PDE4D: variants seen among roughly 807,000 people sequenced by gnomAD.
The protein encoded by PDE4D is 3',5'-cyclic-AMP phosphodiesterase 4D.
A neutral mutation model predicts 87.4 loss-of-function variants in PDE4D; 24 were observed. The ratio of observed to expected loss-of-function variants is 0.27; its 90% CI spans 0.20 to 0.39. The LOEUF is 0.39. Ranked by LOEUF, PDE4D falls within the 10% of genes least tolerant of loss-of-function variation. The pLI is 1.00. For synonymous variants in PDE4D, 384 were observed against 383.2 expected, an observed-to-expected ratio of 1.00 and a Z score of -0.02; for missense variants, 714 against 1,041.0, an observed-to-expected ratio of 0.69 and a Z score of 4.32.
chr5:59,098,328 T>C (rs1013091755), intron 5 of PDE4D, among the ~76,000 whole-genome samples: 1 of 152,142 alleles, frequency 6.6e-6, no homozygotes, highest in African/African-American at 2.4e-5. Flanking sequence ...AATCTGATGC[T>C]AATATGTTAG....
chr5:60,460,622 C>G, intron 1 of PDE4D: 1 of 1,229,494 alleles, frequency 8.1e-7, no homozygotes, highest in Non-Finnish European at 1.2e-6. Context: ...TCTTGCTGTT[C>G]TTTTTCTCCC....
At chr5:59,367,625 TGA>T (rs776952847) in intron 1 of PDE4D, among the ~76,000 whole-genome samples, 13 of 152,178 alleles carry the variant, frequency 8.5e-5, no homozygotes, top group Non-Finnish European at 1.6e-4. Context: ...TGTAAAGTAG[TGA>T]GAGAGAAGTC....
intron 1 of PDE4D, among the ~76,000 whole-genome samples, chr5:59,603,331 G>T (rs1017561644): frequency 6.6e-6 from 1 of 151,842 alleles, no homozygotes; most frequent in African/African-American, 2.4e-5. Context: ...TTGAAAAATG[G>T]GCAAAGGAAC....
At chr5:59,317,991 CT>C (rs1774059134) in intron 1 of PDE4D, among the ~76,000 whole-genome samples, 1 of 152,116 alleles carries the variant, frequency 6.6e-6, no homozygotes, top group African/African-American at 2.4e-5. Context: ...ACCTTATGAA[CT>C]TTTGTTTGTC....
intron 2 of PDE4D, among the ~76,000 whole-genome samples, chr5:60,083,940 CT>C (rs1265105776): frequency 1.3e-5 from 2 of 152,138 alleles, no homozygotes; most frequent in African/African-American, 4.8e-5. Context: ...AGCTTTTAAC[CT>C]TTTGGCTTAT....
chr5:59,306,072 T>A (rs1231376428), intron 1 of PDE4D, among the ~76,000 whole-genome samples: 1 of 152,136 alleles, frequency 6.6e-6, no homozygotes. Flanking sequence ...GGGGGCTCCA[T>A]TGTTAAGTGA....
intron 1 of PDE4D, among the ~76,000 whole-genome samples, chr5:59,712,259 C>G (rs1011383909): frequency 1.3e-5 from 2 of 151,554 alleles, no homozygotes; most frequent in Admixed American, 6.6e-5. Context: ...TTTCCATAGT[C>G]TCATAATATT....
At chr5:59,206,906 T>G (rs575725443) in intron 2 of PDE4D, among the ~76,000 whole-genome samples, 1 of 152,168 alleles carries the variant, frequency 6.6e-6, no homozygotes, top group Non-Finnish European at 1.5e-5. Flanking sequence ...GTTCAGGCTG[T>G]GCATAGTGGC....
intron 5 of PDE4D, among the ~76,000 whole-genome samples, chr5:59,051,158 G>A (rs991199962): frequency 2.0e-4 from 31 of 152,224 alleles, no homozygotes; most frequent in Admixed American, 1.9e-3. Context: ...GATCACTTGA[G>A]GCCAGGAGTT....
At chr5:60,259,983 A>G (rs531568867) in intron 1 of PDE4D, among the ~76,000 whole-genome samples, 1 of 152,188 alleles carries the variant, frequency 6.6e-6, no homozygotes, top group East Asian at 1.9e-4. Context: ...CTATAGTTGT[A>G]TACTTTCAGG....
At chr5:60,067,425 CTA>C (rs1772223265) in intron 2 of PDE4D, among the ~76,000 whole-genome samples, 1 of 151,970 alleles carries the variant, frequency 6.6e-6, no homozygotes, top group Non-Finnish European at 1.5e-5. Context: ...ATAAATTGCT[CTA>C]TGTCTCAAAA....
chr5:59,172,916 T>C (rs1227701847), intron 5 of PDE4D: 2 of 152,038 alleles, frequency 1.3e-5, no homozygotes, highest in Admixed American at 6.6e-5. Context: ...AATAATATTA[T>C]AGCAATAATG....
chr5:60,107,407 A>C (rs1178497352), intron 2 of PDE4D, among the ~76,000 whole-genome samples: 1 of 152,206 alleles, frequency 6.6e-6, no homozygotes, highest in Non-Finnish European at 1.5e-5. Context: ...AGATGGATTC[A>C]CAGCCGAATT....
At chr5:60,060,593 C>G (rs535181484) in intron 2 of PDE4D, among the ~76,000 whole-genome samples, 4 of 152,270 alleles carry the variant, frequency 2.6e-5, no homozygotes, top group African/African-American at 9.6e-5. Flanking sequence ...TTGATTTCAA[C>G]TGTCCTACAT....
intron 11 of PDE4D, among the ~76,000 whole-genome samples, chr5:58,984,303 A>G (rs1745910040): frequency 6.6e-6 from 1 of 152,152 alleles, no homozygotes; most frequent in Non-Finnish European, 1.5e-5. Context: ...TAGTACCATC[A>G]CATGCCATAA....
At chr5:60,232,958 A>C (rs1484073639) in intron 1 of PDE4D, among the ~76,000 whole-genome samples, 1 of 151,860 alleles carries the variant, frequency 6.6e-6, no homozygotes, top group Non-Finnish European at 1.5e-5. Flanking sequence ...CCATACTACT[A>C]ATAGAAAACA....
intron 1 of PDE4D, among the ~76,000 whole-genome samples, chr5:60,473,117 GAGAAAGAAAGGA>G (rs1157383846): frequency 4.9e-5 from 4 of 81,020 alleles, no homozygotes; most frequent in African/African-American, 2.7e-4. Context: ...AAGAGAGAGA[GAGAAAGAAAGGA>G]AGGAAGGAAG....
At chr5:60,249,022 T>C (rs1364248140) in intron 1 of PDE4D, among the ~76,000 whole-genome samples, 1 of 152,020 alleles carries the variant, frequency 6.6e-6, no homozygotes, top group African/African-American at 2.4e-5. Context: ...CCAAAGACTG[T>C]AACTTGTGGG....
chr5:59,083,978 TTAA>T (rs1478629372), intron 5 of PDE4D, among the ~76,000 whole-genome samples: 1 of 152,130 alleles, frequency 6.6e-6, no homozygotes, highest in African/African-American at 2.4e-5. Flanking sequence ...AATCAAAATC[TTAA>T]TGGGTTTTTT....
Sources: gnomAD v4.1 joint callset for allele counts (sites outside exome capture counted in the v4.1 genomes callset) on GRCh38, gnomAD v4.1.1 for gene constraint, MANE v1.5 for transcripts, NCBI Gene and HGNC (gene_info 2026-07-23, HGNC 2026-07-21) for gene names.